PARP4: variants seen among roughly 807,000 people sequenced by gnomAD.
PARP4 encodes the protein protein mono-ADP-ribosyltransferase PARP4.
PARP4 carries 120 observed loss-of-function variants against 187.7 expected under a neutral mutation model. That is an observed-to-expected ratio of 0.64 (90% CI 0.55 to 0.74). The LOEUF is 0.74. Among genes scored for constraint, PARP4 ranks in the 30% least tolerant of loss-of-function variants. The pLI is 0.00. For missense variants in PARP4, 1,836 were observed against 2,070.5 expected, an observed-to-expected ratio of 0.89 and a Z score of 2.20; for synonymous variants, 654 against 740.9, an observed-to-expected ratio of 0.88 and a Z score of 1.90.
chr13:24,447,101 T>G lies in PARP4; in HGVS notation c.3200A>C (p.Glu1067Ala). ...KWQQLNPDVP[E>A]ALQAPAQVPS... ...CACCTGGGCTGGGGCCTGCAGGGCC[T>G]CGGGCACATCTGGATTGAGTTGCTG... Residue 1067 changes from glutamate (E) to alanine (A), a missense_variant, in exon 26 of 34, where the codon GAG becomes GCG. Physicochemically the swap from Glu to Ala is moderately radical, Grantham distance 107. Around this residue, in one of 8 missense-constraint regions of PARP4, gnomAD observed 56 missense variants for 103.7 expected, o/e 0.54. Transcript: ENST00000381989. 1 of 1,613,236 alleles carries G rather than the reference T, an allele frequency of 6.2e-7. No homozygotes were observed. Among genetic ancestry groups the G allele is most frequent in the South Asian group, 1.1e-5 (1 of 91,014 alleles).
chr13:24,492,863 A>T (rs1320046570), intron 8 of PARP4, among the ~76,000 whole-genome samples: 1 of 152,230 alleles, frequency 6.6e-6, no homozygotes, highest in Non-Finnish European at 1.5e-5. Context: ...ACATCTACAT[A>T]CCTATACACA....
At chr13:24,467,782 G>C (rs923269348) in intron 17 of PARP4, among the ~76,000 whole-genome samples, 6 of 152,080 alleles carry the variant, frequency 3.9e-5, no homozygotes, top group African/African-American at 1.4e-4. Context: ...CCTATTCCTA[G>C]GGAAATATGT....
rs535742117 is a variant in PARP4 at position 24,484,696 on chromosome 13, C to T, written c.1405G>A (p.Val469Ile). ...TAAATCCCACTTCCAAGGTTTCCGA[C>T]GTCTGTTCTTTGCACACCACGATCT... ...VEDRGVQRTD[V>I]GNLGSGIYFS... Residue 469 changes from valine to isoleucine, a missense_variant, in exon 12 of 34, where the codon GTC becomes ATC. By Grantham distance (29) the Val-to-Ile change is conservative. Around this residue, in one of 8 missense-constraint regions of PARP4, gnomAD observed 1,147 missense variants for 1,214.2 expected, o/e 0.94. Transcript: ENST00000381989. The T allele has an allele frequency of 3.0e-5, 49 of 1,612,452 alleles. No homozygotes were observed. The highest frequency in any genetic ancestry group is 8.8e-5 in the South Asian group (8 of 91,046).
intron 31 of PARP4, among the ~76,000 whole-genome samples, chr13:24,433,291 A>G (rs1267827838): frequency 6.6e-6 from 1 of 152,188 alleles, no homozygotes; most frequent in Non-Finnish European, 1.5e-5. Context: ...TTGGATTATC[A>G]ATAAATACCG....
At chr13:24,492,367 C>T in intron 9 of PARP4, 54 bp downstream of exon 9, 3 of 1,229,680 alleles carry the variant, frequency 2.4e-6, no homozygotes, top group Non-Finnish European at 3.5e-6. Flanking sequence ...TTCTAAAGAC[C>T]CCCACCCTCA....
chr13:24,459,240 A>G (rs758932088), intron 19 of PARP4, 24 bp downstream of exon 19: 2 of 1,589,442 alleles, frequency 1.3e-6, no homozygotes, highest in Non-Finnish European at 1.7e-6. Flanking sequence ...TTGAATTGAC[A>G]GGTTTTATAT....
In PARP4 at chr13:24,447,107, A is replaced by T. The variant is rs7334587; in HGVS notation, c.3194T>A (p.Val1065Glu). The T allele has an allele frequency of 6.6e-7, 1 of 1,508,558 alleles. No homozygotes were observed. The highest frequency in any genetic ancestry group is 1.9e-5 in the Admixed American group (1 of 53,600). The allele number at this position is 1,508,558 out of a possible 1,614,324, so 93.4% of individuals were successfully genotyped here. ...GGCTGGGGCCTGCAGGGCCTCGGGC[A>T]CATCTGGATTGAGTTGCTGCCATTT... ...SVKWQQLNPDVPEALQAPAQV... is the reference protein window; with the variant it reads ...SVKWQQLNPDEPEALQAPAQV... Residue 1065 changes from valine (V) to glutamate (E), a missense_variant, in exon 26 of 34, where the codon GTG becomes GAG. Physicochemically the swap from Val to Glu is moderately radical, Grantham distance 121. Around this residue, in one of 8 missense-constraint regions of PARP4, gnomAD observed 56 missense variants for 103.7 expected, o/e 0.54. Transcript: ENST00000381989.
At chr13:24,510,553 CAAA>C (rs61708412) in intron 1 of PARP4, among the ~76,000 whole-genome samples, 3 of 89,262 alleles carry the variant, frequency 3.4e-5, no homozygotes, top group Admixed American at 1.3e-4. Flanking sequence ...GACTCCGTCT[CAAA>C]AAAAAAAAAA....
intron 12 of PARP4, among the ~76,000 whole-genome samples, chr13:24,482,169 T>C (rs1873314012): frequency 6.6e-6 from 1 of 152,246 alleles, no homozygotes; most frequent in Admixed American, 6.5e-5. Flanking sequence ...AAGATGGGAC[T>C]GAATTGCTGC....
intron 2 of PARP4, among the ~76,000 whole-genome samples, chr13:24,503,440 AG>A (rs1003525017): frequency 5.9e-5 from 9 of 152,164 alleles, no homozygotes; most frequent in Non-Finnish European, 1.2e-4. Flanking sequence ...CCTGCAGTTC[AG>A]GGAACAGGGA....
chr13:24,442,888 A>G (rs1382493854), intron 28 of PARP4, among the ~76,000 whole-genome samples: 1 of 151,878 alleles, frequency 6.6e-6, no homozygotes, highest in Non-Finnish European at 1.5e-5. Flanking sequence ...CCTCTAGTTC[A>G]GAGAGCTCTC....
chr13:24,503,690 G>A lies in PARP4; in HGVS notation c.87C>T (p.Asp29=). ...AAAACTTTCCGCCATTTTCCTTAAT[G>A]TCAGTTTGTAGCTTTTTCTTCTGCT... ...PQQQKKKLQT[D]IKENGGKFSF... is the part of the protein sequence containing the mutation. The change falls in exon 2 of 34, where the codon GAC becomes GAT. Residue 29 remains aspartate, a synonymous_variant. Coordinates refer to ENST00000381989, the MANE Select transcript of PARP4 (RefSeq NM_006437.4). The A allele has an allele frequency of 6.2e-7, 1 of 1,613,792 alleles. No homozygotes were observed. Among genetic ancestry groups the A allele is most frequent in the Non-Finnish European group, 8.5e-7 (1 of 1,179,910 alleles).
intron 21 of PARP4, among the ~76,000 whole-genome samples, chr13:24,455,967 C>T (rs557250940): frequency 6.6e-6 from 1 of 152,200 alleles, no homozygotes; most frequent in South Asian, 2.1e-4. Context: ...CTCTTTGTCA[C>T]AGCCACACAA....
intron 8 of PARP4, among the ~76,000 whole-genome samples, chr13:24,493,222 A>G (rs3783073): frequency 0.51 from 76,861 of 152,106 alleles, 19,789 homozygotes; most frequent in South Asian, 0.66. Context: ...CAGAAGGTGC[A>G]AGACTGTGGA....
intron 1 of PARP4, among the ~76,000 whole-genome samples, chr13:24,511,384 G>A (rs772099002): frequency 8.5e-5 from 13 of 152,136 alleles, no homozygotes; most frequent in Non-Finnish European, 1.8e-4. Context: ...CGGACACTGG[G>A]CTAGGGGCTG....
At chr13:24,431,093 A>G (rs1452004323) in intron 32 of PARP4, among the ~76,000 whole-genome samples, 1 of 152,218 alleles carries the variant, frequency 6.6e-6, no homozygotes, top group Non-Finnish European at 1.5e-5. Flanking sequence ...TACGGACAAA[A>G]AAGTAATCTT....
intron 10 of PARP4, among the ~76,000 whole-genome samples, chr13:24,489,662 A>G (rs73154356): frequency 0.098 from 14,936 of 152,202 alleles, 813 homozygotes; most frequent in Non-Finnish European, 0.12. Context: ...CATCTTAGTA[A>G]ATGTGAAGTG....
chr13:24,430,810 T>G (rs1870298881), intron 32 of PARP4, among the ~76,000 whole-genome samples: 1 of 152,216 alleles, frequency 6.6e-6, no homozygotes. Flanking sequence ...TGGCAGAGGC[T>G]GGCTAGGAGC....
chr13:24,421,520 G>A (rs1439737089), intron 33 of PARP4, among the ~76,000 whole-genome samples: 6 of 152,282 alleles, frequency 3.9e-5, no homozygotes, highest in Admixed American at 6.5e-5. Flanking sequence ...CCCTGTGCCC[G>A]CCACCTCCTG....
Sources: allele counts gnomAD v4.1 joint callset (sites outside exome capture counted in the v4.1 genomes callset), GRCh38; gene constraint gnomAD v4.1.1; regional missense constraint gnomAD v4.1.1; transcripts MANE v1.5; gene names NCBI Gene and HGNC (gene_info 2026-07-23, HGNC 2026-07-21).